Variants in USP1 observed in about 807,000 individuals in gnomAD.
The protein encoded by USP1 is ubiquitin specific peptidase 1, also known as ubiquitin carboxyl-terminal hydrolase 1.
USP1 carries 18 observed loss-of-function variants against 72.2 expected under a neutral mutation model. The observed-to-expected ratio is 0.25, with a 90% CI of 0.17 to 0.37. The LOEUF is 0.37. Among genes scored for constraint, USP1 ranks in the 10% least tolerant of loss-of-function variants. The probability of loss-of-function intolerance (pLI) is 1.00; values close to 1 mark genes in which losing one functional copy is unlikely to be tolerated. For missense variants in USP1, 759 were observed against 884.9 expected, an observed-to-expected ratio of 0.86 and a Z score of 1.81; for synonymous variants, 354 against 303.7, an observed-to-expected ratio of 1.17 and a Z score of -1.72.
At position 62,437,168 on chromosome 1, in the gene USP1, C is replaced by T. The variant is rs563751568; in HGVS notation, c.-302C>T. 6.5e-5 allele frequency: 26 copies of T among 398,970 alleles called. No individual in the cohort carries two copies. In the South Asian group the frequency reaches 2.2e-3, roughly 33 times the overall value. The allele number at this position is 398,970 out of a possible 1,614,324, so 24.7% of individuals were successfully genotyped here. A position where few individuals can be genotyped will look rare whatever the true frequency, so the allele number is the denominator to read the frequency against. ...CTCTCCCGGGGCGGGCGCAGATGGG[C>T]GCCGCTCCCGGGATGTAGTTGGTGT... On this transcript the variant is annotated 5_prime_UTR_variant, in exon 1 of 9. Coordinates refer to ENST00000339950, the MANE Select transcript of USP1 (RefSeq NM_003368.5).
chr1:62,441,201 GTC>G (rs1645132001), intron 2 of USP1, among the ~76,000 whole-genome samples: 1 of 152,232 alleles, frequency 6.6e-6, no homozygotes, highest in Middle Eastern at 3.4e-3. Flanking sequence ...ACAAATCATA[GTC>G]TCTCAGTTCC....
chr1:62,437,501 C>G (rs1645098589), intron 1 of USP1, 101 bp downstream of exon 1: 1 of 251,412 alleles, frequency 4.0e-6, no homozygotes, highest in Non-Finnish European at 7.6e-6. Flanking sequence ...CCGTGTTGGC[C>G]TCGCACCCTG....
intron 6 of USP1, among the ~76,000 whole-genome samples, chr1:62,446,545 G>GTA (rs1164941184): frequency 2.0e-5 from 3 of 152,122 alleles, no homozygotes; most frequent in African/African-American, 7.2e-5. Context: ...GTAAACATAG[G>GTA]TACAGTAAAA....
intron 6 of USP1, among the ~76,000 whole-genome samples, chr1:62,445,789 G>T (rs943928119): frequency 6.6e-6 from 1 of 152,100 alleles, no homozygotes; most frequent in East Asian, 1.9e-4. Flanking sequence ...GAGCAGCCTG[G>T]TCAACATGGT....
At chr1:62,437,437 CG>C (rs1645097961) in intron 1 of USP1, 37 bp downstream of exon 1, 1 of 352,232 alleles carries the variant, frequency 2.8e-6, no homozygotes, top group African/African-American at 2.1e-5. Context: ...GGCTCCCGGG[CG>C]CGGGGGCAAG....
At position 62,450,799 on chromosome 1, in the gene USP1, A is replaced by G. The variant is rs749179104; in HGVS notation, c.2176A>G (p.Ile726Val). The G allele has an allele frequency of 1.9e-6, 3 of 1,613,948 alleles. No homozygotes were observed. Among genetic ancestry groups the G allele is most frequent in the Non-Finnish European group, 1.7e-6 (2 of 1,179,958 alleles). Residue 726 changes from isoleucine (I) to valine (V), a missense_variant, in exon 9 of 9, where the codon ATT becomes GTT. Physicochemically the swap from Ile to Val is conservative, Grantham distance 29. Coordinates refer to ENST00000339950, the MANE Select transcript of USP1 (RefSeq NM_003368.5). ...KESSDQTGIN[I>V]SGFENKISYV... ...ATCCAGTGACCAAACAGGCATTAAT[A>G]TTAGTGGATTTGAGAACAAAATTTC... is the stretch of plus-strand genomic sequence containing the variant.
intron 4 of USP1, among the ~76,000 whole-genome samples, chr1:62,442,505 G>T (rs984476233): frequency 1.3e-5 from 2 of 151,818 alleles, no homozygotes. Flanking sequence ...TGTAATCTGT[G>T]TATCAAACTT....
chr1:62,443,544 C>T (rs1645148177), intron 5 of USP1, among the ~76,000 whole-genome samples: 1 of 152,092 alleles, frequency 6.6e-6, no homozygotes, highest in African/African-American at 2.4e-5. Flanking sequence ...TATAGTCATT[C>T]ATATTTATCT....
Position 62,446,442 on chromosome 1 carries a change from C to T in USP1, c.1250-899C>T, listed in dbSNP as rs139005750. The stretch of plus-strand genomic sequence containing the variant: ...CTTTGCATGGCCTATTGCTCCTAGG[C>T]AACAAACCTGTATAGCATATAACTA... On this transcript the variant is annotated intron_variant, in intron 6 of 8. Coordinates refer to ENST00000339950, the MANE Select transcript of USP1 (RefSeq NM_003368.5). Among the ~76,000 whole-genome samples, 189 of 152,226 alleles carry T rather than the reference C, an allele frequency of 1.2e-3. 2 individuals carry two copies. Among genetic ancestry groups the T allele is most frequent in the African/African-American group, 4.2e-3 (175 of 41,518 alleles).
chr1:62,444,454 G>A (rs561890237), intron 5 of USP1, among the ~76,000 whole-genome samples: 31 of 152,038 alleles, frequency 2.0e-4, no homozygotes, highest in Middle Eastern at 3.4e-3. Flanking sequence ...ATACATAGGA[G>A]ATAAAAAACA....
At position 62,448,686 on chromosome 1, in the gene USP1, A is replaced by G; in HGVS notation, c.1622+20A>G. The G allele has an allele frequency of 6.2e-7, 1 of 1,606,602 alleles. No individual in the cohort carries two copies. ...TTTGGAGTAAGTATTGTAAATAAGA[A>G]CTATATGAAGAAAATGAGCTGCTGT... On this transcript the variant is annotated intron_variant, in intron 8 of 8. Coordinates refer to ENST00000339950, the MANE Select transcript of USP1 (RefSeq NM_003368.5).
chr1:62,449,698 A>G (rs1645199975), intron 8 of USP1, among the ~76,000 whole-genome samples: 1 of 152,044 alleles, frequency 6.6e-6, no homozygotes, highest in Admixed American at 6.6e-5. Flanking sequence ...GATGGCTTGC[A>G]CCCAGGAGTT....
Position 62,445,364 on chromosome 1 carries a change from G to A in USP1, c.1184G>A (p.Gly395Glu), listed in dbSNP as rs1421517122. The change falls in exon 6 of 9, where the codon GGA becomes GAA. Residue 395 changes from glycine (G) to glutamate (E), a missense_variant. Coordinates refer to ENST00000339950, the MANE Select transcript of USP1 (RefSeq NM_003368.5). ...CESDNTTNGC[G>E]LESPGNTVTP... ...AGTGATAACACAACTAATGGTTGTG[G>A]ACTTGAATCTCCAGGAAATACTGTT... The A allele has an allele frequency of 6.2e-7, 1 of 1,605,986 alleles. No homozygotes were observed. The highest frequency in any genetic ancestry group is 1.7e-5 in the Admixed American group (1 of 58,052).
In USP1 at chr1:62,443,696, G is replaced by A. The variant is rs373163085; in HGVS notation, c.557+377G>A. Among the ~76,000 whole-genome samples, 8 of 152,200 alleles carry A rather than the reference G, an allele frequency of 5.3e-5. No homozygotes were observed. The East Asian group carries it at 1.2e-3, about 22-fold the overall frequency. Reference sequence around the variant, plus strand: ...TGAAAATGTCTGAATTTCTAAATGCGTGGTCCTAAGGATTTCACATTAAGA... The same window carrying A: ...TGAAAATGTCTGAATTTCTAAATGCATGGTCCTAAGGATTTCACATTAAGA... On this transcript the variant is annotated intron_variant, in intron 5 of 8. Coordinates refer to ENST00000339950, the MANE Select transcript of USP1 (RefSeq NM_003368.5).
rs748549973 is a variant in USP1, at chr1:62,448,459, T to C, written c.1421-6T>C. The stretch of plus-strand genomic sequence containing the variant: ...AGTATTTGAGTGAAAGGATTCTCTT[T>C]TTTAGTTTCTCCAGAGCCAAAAACA... On this transcript the variant is annotated splice_polypyrimidine_tract_variant and splice_region_variant and intron_variant, in intron 7 of 8. Transcript: ENST00000339950. 1.2e-6 allele frequency: 2 copies of C among 1,612,546 alleles called. No homozygotes were observed. The highest frequency in any genetic ancestry group is 2.2e-5 in the South Asian group (2 of 90,772).
chr1:62,449,693 C>CT (rs1337132628), intron 8 of USP1, among the ~76,000 whole-genome samples: 1 of 152,122 alleles, frequency 6.6e-6, no homozygotes, highest in Non-Finnish European at 1.5e-5. Context: ...AGATGGATGG[C>CT]TTGCACCCAG....
chr1:62,442,389 G>A (rs1372749442), intron 4 of USP1, 90 bp downstream of exon 4: 1 of 890,750 alleles, frequency 1.1e-6, no homozygotes, highest in Non-Finnish European at 1.7e-6. Flanking sequence ...GACTGGGGGG[G>A]TGGATGACAA....
chr1:62,443,950 A>G (rs909251666), intron 5 of USP1, among the ~76,000 whole-genome samples: 2 of 152,124 alleles, frequency 1.3e-5, no homozygotes, highest in Non-Finnish European at 2.9e-5. Flanking sequence ...GGTGCAATAT[A>G]TTGCTATACC....
Position 62,442,270 on chromosome 1 carries a change from C to T in USP1, c.367C>T (p.Leu123=), listed in dbSNP as rs1645139351. 1.2e-6 allele frequency: 2 copies of T among 1,602,894 alleles called. No individual in the cohort carries two copies. Among genetic ancestry groups the T allele is most frequent in the African/African-American group, 2.7e-5 (2 of 74,330 alleles). ...TATTATTTCAAGGAAGAAAGAAGCT[C>T]TAAAGGATGAAGCCAATCAAAAAGA... The part of the protein sequence containing the change: ...FNIISRKKEA[L]KDEANQKDKG... Residue 123 remains leucine, a synonymous_variant, in exon 4 of 9, where the codon CTA becomes TTA. Transcript: ENST00000339950.
Sources: gnomAD v4.1 joint callset for allele counts (sites outside exome capture counted in the v4.1 genomes callset) on GRCh38, gnomAD v4.1.1 for gene constraint, MANE v1.5 for transcripts, NCBI Gene and HGNC (gene_info 2026-07-23, HGNC 2026-07-21) for gene names.